The following CASK variants were observed in gnomAD, a reference collection of about 807,000 sequenced individuals.
CASK encodes calcium/calmodulin dependent serine protein kinase.
In CASK, 4 loss-of-function variants were observed where a neutral mutation model predicts 82.9. That is an observed-to-expected ratio of 0.05 (90% confidence interval 0.02 to 0.11). CASK has a LOEUF of 0.11. CASK is among the 10% of genes least tolerant of loss of function. The pLI is 1.00. For missense variants in CASK, 358 were observed against 720.9 expected, an observed-to-expected ratio of 0.50 and a Z score of 5.76; for synonymous variants, 259 against 253.5, an observed-to-expected ratio of 1.02 and a Z score of -0.20.
chrX:41,917,379 C>T (rs1479128443), intron 1 of CASK, among the ~76,000 whole-genome samples: 2 of 112,192 alleles, frequency 1.8e-5, no homozygotes, highest in African/African-American at 6.5e-5. Flanking sequence ...TTTTAAACAA[C>T]CTTATGTCAA....
At chrX:41,610,096 A>T (rs1449447881) in intron 11 of CASK, 71 bp from the exon 12 acceptor site, 1 of 1,030,621 alleles carries the variant, frequency 9.7e-7, no homozygotes, top group African/African-American at 1.9e-5. Flanking sequence ...TTAAACCTAA[A>T]TCTTACACTT....
rs141712232 is a variant in CASK at position 41,737,679 on chromosome X, T to C, written c.429+1705A>G. ...GTATTACAGTAGAATATATTGTCAA[T>C]CATTGTTTATTATATGATGTTGATA... On this transcript the variant is annotated intron_variant, in intron 5 of 26. Coordinates refer to ENST00000378163, the MANE Select transcript of CASK (RefSeq NM_001367721.1). Among the ~76,000 whole-genome samples, 727 of 112,660 alleles carry C rather than the reference T, an allele frequency of 6.5e-3. 9 individuals carry two copies. The highest frequency in any genetic ancestry group is 0.022 in the African/African-American group (696 of 31,081).
chrX:41,676,568 C>T (rs2147508952), intron 5 of CASK: 1 of 865,589 alleles, frequency 1.2e-6, no homozygotes, highest in East Asian at 3.2e-5. Flanking sequence ...GCGGGCGCCG[C>T]TGGGCCGGGC....
At chrX:41,665,591 T>C (rs181652420) in intron 6 of CASK, 139 bp from the exon 7 acceptor site, 1 of 495,461 alleles carries the variant, frequency 2.0e-6, no homozygotes, top group Admixed American at 3.8e-5. Flanking sequence ...CACCTCTCCA[T>C]AAAATCAAGT....
intron 24 of CASK, among the ~76,000 whole-genome samples, chrX:41,534,392 AACACACACACACACAC>A (rs56349527): frequency 2.2e-5 from 2 of 91,232 alleles, no homozygotes; most frequent in African/African-American, 7.9e-5. Flanking sequence ...TTTTATTTAA[AACACACACACACACAC>A]ACACACACAC....
At chrX:41,572,186 G>A (rs1282226815) in intron 15 of CASK, among the ~76,000 whole-genome samples, 2 of 108,873 alleles carry the variant, frequency 1.8e-5, no homozygotes, top group Non-Finnish European at 3.8e-5. Flanking sequence ...CTGGGCTCAA[G>A]TGATCCTCCT....
At chrX:41,822,026 T>C (rs1209102836) in intron 2 of CASK, among the ~76,000 whole-genome samples, 1 of 112,207 alleles carries the variant, frequency 8.9e-6, no homozygotes, top group Non-Finnish European at 1.9e-5. Context: ...TATTAAATAG[T>C]TGCTTTATGA....
At chrX:41,537,844 T>A (rs1435617794) in intron 22 of CASK, among the ~76,000 whole-genome samples, 1 of 104,570 alleles carries the variant, frequency 9.6e-6, no homozygotes, top group Admixed American at 1.1e-4. Context: ...TTATTATTAT[T>A]ATTATTATTA....
At chrX:41,695,569 C>T (rs2067669942) in intron 5 of CASK, 7 of 742,334 alleles carry the variant, frequency 9.4e-6, no homozygotes, top group Admixed American at 5.9e-5. Context: ...AATCTGAAGA[C>T]ATAAGAACTA....
Position 41,638,858 on chromosome X carries a change from CTTTATT to C in CASK, c.832-2203_832-2198del, listed in dbSNP as rs779534417. On this transcript the variant is annotated intron_variant, in intron 8 of 26. Coordinates refer to ENST00000378163, the MANE Select transcript of CASK (RefSeq NM_001367721.1). ...CTTGAGCTAGAGTGACATGATCTGACTTTATTTTTATAGATTCTGGGGTTACATATG... is the reference window on the plus strand; with the variant it reads ...CTTGAGCTAGAGTGACATGATCTGACTTTATAGATTCTGGGGTTACATATG... 2.7e-5 allele frequency among the ~76,000 whole-genome samples: 3 copies of C among 110,651 alleles called. No individual in the cohort carries two copies. In the Admixed American group the frequency reaches 2.9e-4, roughly 11 times the overall value.
intron 5 of CASK, among the ~76,000 whole-genome samples, chrX:41,716,334 A>G: frequency 8.9e-6 from 1 of 112,535 alleles, no homozygotes; most frequent in South Asian, 3.7e-4. Flanking sequence ...TGTCTAAAAC[A>G]GAGGGAGATG....
At chrX:41,884,900 C>T (rs1158857625) in intron 1 of CASK, among the ~76,000 whole-genome samples, 2 of 111,809 alleles carry the variant, frequency 1.8e-5, no homozygotes, top group African/African-American at 6.5e-5. Context: ...ATGTTTAATT[C>T]TCTCATTTCA....
chrX:41,815,453 T>G (rs2070392769), intron 2 of CASK, among the ~76,000 whole-genome samples: 1 of 111,492 alleles, frequency 9.0e-6, no homozygotes, highest in African/African-American at 3.3e-5. Flanking sequence ...CTCAAAGATT[T>G]AAAAGAAAGC....
chrX:41,861,764 CATAT>C (rs977820803), intron 1 of CASK, among the ~76,000 whole-genome samples: 2 of 98,020 alleles, frequency 2.0e-5, no homozygotes, highest in African/African-American at 7.5e-5. Context: ...TATATATACA[CATAT>C]ATAATGTATA....
At chrX:41,888,182 G>A (rs779359404) in intron 1 of CASK, among the ~76,000 whole-genome samples, 3 of 111,319 alleles carry the variant, frequency 2.7e-5, no homozygotes, top group African/African-American at 9.8e-5. Flanking sequence ...TTTCTAGTAA[G>A]AATCCCCAAT....
chrX:41,717,208 C>G (rs766919442), intron 5 of CASK, among the ~76,000 whole-genome samples: 1 of 112,045 alleles, frequency 8.9e-6, no homozygotes, highest in African/African-American at 3.2e-5. Flanking sequence ...AATAAAAACC[C>G]CTGCTTTCCT....
At chrX:41,603,749 AACAAAT>A (rs1317540079) in intron 12 of CASK, among the ~76,000 whole-genome samples, 2 of 112,054 alleles carry the variant, frequency 1.8e-5, no homozygotes, top group Non-Finnish European at 3.8e-5. Context: ...AGCAGTGCGT[AACAAAT>A]GCTAACAGCT....
At chrX:41,679,023 G>A (rs1402219055) in intron 5 of CASK, among the ~76,000 whole-genome samples, 1 of 110,499 alleles carries the variant, frequency 9.0e-6, no homozygotes, top group Non-Finnish European at 1.9e-5. Context: ...GGGAGCTTAA[G>A]ATTGCAGTGA....
intron 1 of CASK, among the ~76,000 whole-genome samples, chrX:41,883,396 A>G (rs1415571985): frequency 9.0e-6 from 1 of 111,278 alleles, no homozygotes; most frequent in Non-Finnish European, 1.9e-5. Flanking sequence ...TGAAACCACA[A>G]CCCCAAGCTG....
Sources: allele counts gnomAD v4.1 joint callset (sites outside exome capture counted in the v4.1 genomes callset), GRCh38; gene constraint gnomAD v4.1.1; transcripts MANE v1.5; gene names NCBI Gene and HGNC (gene_info 2026-07-23, HGNC 2026-07-21).